RLF: variants seen among roughly 807,000 people sequenced by gnomAD.
RLF encodes RLF zinc finger.
A neutral mutation model predicts 162.9 loss-of-function variants in RLF; 7 were observed. The observed-to-expected ratio is 0.04, with a 90% CI of 0.02 to 0.08. The LOEUF (loss-of-function observed/expected upper bound fraction) is 0.08, where lower values mean the gene tolerates loss of function less well. Among genes scored for constraint, RLF ranks in the 10% least tolerant of loss-of-function variants. The pLI is 1.00. For missense variants in RLF, 1,664 were observed against 2,244.7 expected (o/e 0.74, Z 5.23); for synonymous variants, 782 against 791.5 (o/e 0.99, Z 0.20).
intron 6 of RLF, among the ~76,000 whole-genome samples, chr1:40,229,446 A>C (rs1239457520): frequency 8.1e-6 from 1 of 123,634 alleles, no homozygotes; most frequent in African/African-American, 3.2e-5. Flanking sequence ...TTATTCATTT[A>C]TCTTTTTTTT....
At chr1:40,205,724 C>T (rs1179528720) in intron 5 of RLF, among the ~76,000 whole-genome samples, 2 of 152,104 alleles carry the variant, frequency 1.3e-5, no homozygotes. Flanking sequence ...ATCTCCTGAC[C>T]TCGTGATCCG....
At chr1:40,214,287 GTTC>G (rs2124549006) in intron 5 of RLF, among the ~76,000 whole-genome samples, 1 of 152,230 alleles carries the variant, frequency 6.6e-6, no homozygotes, top group African/African-American at 2.4e-5. Context: ...GAAATTAAGA[GTTC>G]TAATCACCAT....
At chr1:40,231,387 G>T in intron 6 of RLF, 130 bp from the exon 7 acceptor site, 1 of 699,286 alleles carries the variant, frequency 1.4e-6, no homozygotes, top group Non-Finnish European at 2.4e-6. Context: ...GGTGAATATA[G>T]ACAGCTTTTA....
chr1:40,167,684 T>A (rs191800098), intron 1 of RLF, among the ~76,000 whole-genome samples: 14 of 151,684 alleles, frequency 9.2e-5, no homozygotes, highest in African/African-American at 3.4e-4. Flanking sequence ...CCCTATTGCC[T>A]TTCACCTCTT....
At chr1:40,196,024 A>G (rs1319604430) in intron 4 of RLF, among the ~76,000 whole-genome samples, 1 of 152,024 alleles carries the variant, frequency 6.6e-6, no homozygotes, top group Non-Finnish European at 1.5e-5. Flanking sequence ...ACAGAAATGA[A>G]TAATCTGCTG....
At chr1:40,178,382 T>C (rs1462450243) in intron 1 of RLF, among the ~76,000 whole-genome samples, 2 of 152,096 alleles carry the variant, frequency 1.3e-5, no homozygotes, top group Non-Finnish European at 2.9e-5. Flanking sequence ...GAATAGTGGT[T>C]GCCAAGGGCT....
chr1:40,231,559 C>A lies in RLF; in HGVS notation c.990C>A (p.Asp330Glu). Residue 330 changes from aspartate (D) to glutamate (E), a missense_variant, in exon 7 of 8, where the codon GAC becomes GAA. By Grantham distance (45) the Asp-to-Glu change is conservative (BLOSUM62 2). Transcript: ENST00000372771. ...GGAGTAAACTGCAAAGAAGAATTGA[C>A]CCTTCTTTAGATACTTTTTTGGAGC... ...LFWSKLQRRI[D>E]PSLDTFLERC... 1 of 1,613,586 alleles carries A rather than the reference C, an allele frequency of 6.2e-7. No homozygotes were observed. The highest frequency in any genetic ancestry group is 8.5e-7 in the Non-Finnish European group (1 of 1,179,582).
In RLF at chr1:40,236,195, A is replaced by G. The variant is rs2124562122; in HGVS notation, c.1493A>G (p.Glu498Gly). 3 of 1,613,878 alleles carry G rather than the reference A, an allele frequency of 1.9e-6. No homozygotes were observed. In the East Asian group the frequency reaches 6.7e-5, roughly 36 times the overall value. ...SDSDDDLSGY[E>G]MSINDTDVLE... ...TCTGATGATGATTTAAGTGGCTATG[A>G]AATGTCCATTAATGACACAGATGTT... The change falls in exon 8 of 8, where the codon GAA becomes GGA. Residue 498 changes from glutamate to glycine, a missense_variant. Glu to Gly is a moderately conservative substitution (Grantham distance 98, BLOSUM62 -2). Transcript: ENST00000372771. This position sits in a 1 kb window ranked among gnomAD's most constrained non-coding sequence, Gnocchi z 7.7.
intron 5 of RLF, among the ~76,000 whole-genome samples, chr1:40,215,332 C>T (rs1216932406): frequency 6.6e-6 from 1 of 152,160 alleles, no homozygotes; most frequent in Non-Finnish European, 1.5e-5. Flanking sequence ...GCTAAATATA[C>T]ATTCTTCTCA....
chr1:40,166,782 C>A (rs1309542690), intron 1 of RLF, among the ~76,000 whole-genome samples: 1 of 141,044 alleles, frequency 7.1e-6, no homozygotes, highest in Non-Finnish European at 1.5e-5. Flanking sequence ...CACGTTCTCA[C>A]TCATAGGTGG....
At chr1:40,188,998 A>C (rs1027436459) in intron 1 of RLF, 57 bp from the exon 2 acceptor site, 10 of 1,251,934 alleles carry the variant, frequency 8.0e-6, no homozygotes, top group Middle Eastern at 2.4e-4. Flanking sequence ...GTTTGAGGAC[A>C]AAGACAATCT....
In RLF at chr1:40,236,724, C is replaced by T. The variant is rs143726807; in HGVS notation, c.2022C>T (p.Pro674=). The T allele has an allele frequency of 3.5e-5, 57 of 1,613,926 alleles. No individual in the cohort carries two copies. The highest frequency in any genetic ancestry group is 8.0e-5 in the African/African-American group (6 of 74,988). The part of the protein sequence containing the change: ...HLQDRDLYPC[P]GTDCSRVFKQ... The stretch of plus-strand genomic sequence containing the variant: ...AAGACAGAGATTTGTATCCATGTCC[C>T]GGTACAGACTGTTCCCGTGTGTTTA... The change falls in exon 8 of 8, where the codon CCC becomes CCT. Residue 674 remains proline (P), a synonymous_variant. Transcript: ENST00000372771. The surrounding 1 kb of genome is among the most constrained non-coding windows in gnomAD (Gnocchi z 7.7).
At chr1:40,174,657 A>G (rs1399080157) in intron 1 of RLF, among the ~76,000 whole-genome samples, 1 of 152,238 alleles carries the variant, frequency 6.6e-6, no homozygotes, top group Non-Finnish European at 1.5e-5. Flanking sequence ...TATATATTGT[A>G]TAAAACAGAC....
intron 5 of RLF, among the ~76,000 whole-genome samples, chr1:40,221,479 T>C (rs936639239): frequency 1.3e-5 from 2 of 152,086 alleles, no homozygotes; most frequent in African/African-American, 2.4e-5. Flanking sequence ...ACATTTGAGC[T>C]GAGCTTTAAA....
rs765263958 is a variant in RLF, at chr1:40,239,370, C to T, written c.4668C>T (p.Cys1556=). Residue 1556 remains cysteine, a synonymous_variant, in exon 8 of 8, where the codon TGC becomes TGT. Coordinates refer to ENST00000372771, the MANE Select transcript of RLF (RefSeq NM_012421.4). ...HTQYPCMVQG[C]LSVVKLESSI... Reference sequence around the variant, plus strand: ...AGTACCCCTGCATGGTTCAAGGATGCTTATCTGTGGTGAAGTTGGAGAGCA... The same window carrying T: ...AGTACCCCTGCATGGTTCAAGGATGTTTATCTGTGGTGAAGTTGGAGAGCA... 2 of 1,614,002 alleles carry T rather than the reference C, an allele frequency of 1.2e-6. No individual in the cohort carries two copies. Among genetic ancestry groups the T allele is most frequent in the South Asian group, 2.2e-5 (2 of 91,078 alleles).
chr1:40,228,267 C>T (rs1643104472), intron 6 of RLF, among the ~76,000 whole-genome samples: 1 of 148,918 alleles, frequency 6.7e-6, no homozygotes, highest in Non-Finnish European at 1.5e-5. Context: ...GCCTGGGCAA[C>T]AGAACAAGAC....
intron 1 of RLF, among the ~76,000 whole-genome samples, chr1:40,184,212 C>T (rs559671606): frequency 4.3e-4 from 66 of 152,250 alleles, no homozygotes; most frequent in African/African-American, 1.5e-3. Context: ...ACCATGTAAG[C>T]ATTTTAGTTA....
At chr1:40,198,266 C>T (rs1466904421) in intron 4 of RLF, among the ~76,000 whole-genome samples, 3 of 147,570 alleles carry the variant, frequency 2.0e-5, no homozygotes, top group Non-Finnish European at 3.0e-5. Flanking sequence ...TCCCAAAGTG[C>T]TGGAATTGCA....
chr1:40,216,265 A>G (rs1346763547), intron 5 of RLF, among the ~76,000 whole-genome samples: 2 of 152,066 alleles, frequency 1.3e-5, no homozygotes, highest in Non-Finnish European at 2.9e-5. Flanking sequence ...GATAGATCAC[A>G]TGAGGCCAGA....
Sources: gnomAD v4.1 joint callset for allele counts (sites outside exome capture counted in the v4.1 genomes callset) on GRCh38, gnomAD v4.1.1 for gene constraint, Gnocchi (gnomAD v3.1) non-coding constraint, MANE v1.5 for transcripts, NCBI Gene and HGNC (gene_info 2026-07-23, HGNC 2026-07-21) for gene names.